RNASEH1: variants seen among roughly 807,000 people sequenced by gnomAD.
RNASEH1 encodes ribonuclease H1.
In RNASEH1, 27 loss-of-function variants were observed where a neutral mutation model predicts 34.6. The observed-to-expected ratio is 0.78, with a 90% CI of 0.58 to 1.08. RNASEH1 has a LOEUF of 1.08. Among genes scored for constraint, RNASEH1 ranks in the 50% least tolerant of loss-of-function variants. RNASEH1 has a pLI of 0.00. For synonymous variants in RNASEH1, 162 were observed against 138.4 expected (o/e 1.17, Z -1.20); for missense variants, 349 against 373.6 (o/e 0.93, Z 0.54).
rs1668683155 is a variant in RNASEH1 at position 3,545,746 on chromosome 2, C to T, written c.*39G>A. ...CAGTAAGTACAGGCAGCAAGACAGC[C>T]GCTGGCTCAAGTTCTCCCAAGGACT... On this transcript the variant is annotated 3_prime_UTR_variant, in exon 8 of 8. Transcript: ENST00000315212. 3 of 1,426,410 alleles carry T rather than the reference C, an allele frequency of 2.1e-6. No homozygotes were observed. Among genetic ancestry groups the T allele is most frequent in the African/African-American group, 1.4e-5 (1 of 71,280 alleles). 88.4% of individuals were successfully genotyped at this position (1,426,410 alleles called of 1,614,324 possible). A position where few individuals can be genotyped will look rare whatever the true frequency, so the allele number is the denominator to read the frequency against.
rs1176858089 is a variant in RNASEH1, at chr2:3,542,291, C to T, written c.*3494G>A. Among the ~76,000 whole-genome samples the T allele has an allele frequency of 1.3e-5, 2 of 152,088 alleles. No individual in the cohort carries two copies. The highest frequency in any genetic ancestry group is 2.9e-5 in the Non-Finnish European group (2 of 68,022). On this transcript the variant is annotated 3_prime_UTR_variant, in exon 8 of 8. Transcript: ENST00000315212. The stretch of plus-strand genomic sequence containing the variant: ...AACCAATACCAACACATGACACATT[C>T]GAATAAAACGGCCGACTTGACAGAA...
At chr2:3,538,679 T>A (rs78062064), downstream of RNASEH1, among the ~76,000 whole-genome samples, 5,648 of 152,286 alleles carry the variant, frequency 0.037, 117 homozygotes, top group East Asian at 0.084. Context: ...TTTCCAGTTC[T>A]CTGATATTAA....
In RNASEH1 at chr2:3,545,841, C is replaced by T. The variant is rs748392084; in HGVS notation, c.805G>A (p.Gly269Ser). The T allele has an allele frequency of 6.2e-7, 1 of 1,613,640 alleles. No individual in the cohort carries two copies. Among genetic ancestry groups the T allele is most frequent in the South Asian group, 1.1e-5 (1 of 91,072 alleles). Residue 269 changes from glycine to serine, a missense_variant, in exon 8 of 8, where the codon GGC (glycine) becomes AGC (serine). Physicochemically the swap from Gly to Ser is moderately conservative, Grantham distance 56 (BLOSUM62 0). This residue lies in a region of RNASEH1 where 93 missense variants were observed against 132.9 expected (regional missense o/e 0.70). Coordinates refer to ENST00000315212, the MANE Select transcript of RNASEH1 (RefSeq NM_002936.6). ...MHVPGHSGFIGNEEADRLARE... is the reference protein window; with the variant it reads ...MHVPGHSGFISNEEADRLARE... ...GCTAATCTGTCAGCTTCTTCATTGCCTATAAATCCCGAATGACCAGGAACA... is the reference window on the plus strand; with the variant it reads ...GCTAATCTGTCAGCTTCTTCATTGCTTATAAATCCCGAATGACCAGGAACA...
the RNASEH1 span, among the ~76,000 whole-genome samples, chr2:3,535,500 A>AT: frequency 6.6e-6 from 1 of 151,990 alleles, no homozygotes; most frequent in African/African-American, 2.4e-5. Context: ...TTAGAAATCA[A>AT]TTTTTTACAA....
downstream of RNASEH1, among the ~76,000 whole-genome samples, chr2:3,539,034 T>A (rs1156307809): frequency 2.0e-5 from 3 of 152,240 alleles, no homozygotes; most frequent in African/African-American, 7.2e-5. Flanking sequence ...TCCATTCTTC[T>A]GAGTTGTTAG....
At chr2:3,555,472 G>A (rs1660397509) in intron 2 of RNASEH1, among the ~76,000 whole-genome samples, 1 of 152,282 alleles carries the variant, frequency 6.6e-6, no homozygotes, top group Non-Finnish European at 1.5e-5. Context: ...TGCACTGAGT[G>A]AGGGTCGACC....
chr2:3,541,390 G>A (rs1668294606), downstream of RNASEH1, among the ~76,000 whole-genome samples: 4 of 151,352 alleles, frequency 2.6e-5, no homozygotes, highest in Middle Eastern at 3.2e-3. Flanking sequence ...TCCATTCCAA[G>A]GCATTTACCC....
intron 3 of RNASEH1, 121 bp from the exon 4 acceptor site, chr2:3,550,593 C>G (rs138593515): frequency 1.1e-5 from 8 of 730,618 alleles, no homozygotes; most frequent in Non-Finnish European, 1.7e-5. Context: ...ACGCTGCAGA[C>G]GTTTTCTCTC....
intron 2 of RNASEH1, among the ~76,000 whole-genome samples, chr2:3,554,650 G>C (rs1660312462): frequency 6.6e-6 from 1 of 152,152 alleles, no homozygotes; most frequent in South Asian, 2.1e-4. Context: ...AAAAGAACTA[G>C]CTTGCTTTAA....
rs997032120 is a variant in RNASEH1, at chr2:3,543,696, G to A, written c.*2089C>T. ...GCATGGTCACAGCTCACGCATCCTCGACCTCCTGGGCCCAAGCGATCCTCC... is the reference window on the plus strand; with the variant it reads ...GCATGGTCACAGCTCACGCATCCTCAACCTCCTGGGCCCAAGCGATCCTCC... On this transcript the variant is annotated 3_prime_UTR_variant, in exon 8 of 8. Transcript: ENST00000315212. 1.3e-5 allele frequency among the ~76,000 whole-genome samples: 2 copies of A among 151,728 alleles called. No homozygotes were observed. Among genetic ancestry groups the A allele is most frequent in the African/African-American group, 4.9e-5 (2 of 41,232 alleles).
chr2:3,556,614 G>A (rs1162929755), intron 2 of RNASEH1, among the ~76,000 whole-genome samples, 175 bp downstream of exon 2: 2 of 152,194 alleles, frequency 1.3e-5, no homozygotes, highest in Non-Finnish European at 2.9e-5. Flanking sequence ...AATACTGTAA[G>A]TAATATGAAC....
intron 2 of RNASEH1, among the ~76,000 whole-genome samples, chr2:3,556,451 G>A (rs1022704755): frequency 6.6e-6 from 1 of 151,702 alleles, no homozygotes; most frequent in African/African-American, 2.4e-5. Flanking sequence ...GATTACAGGT[G>A]TGCGCCACCA....
chr2:3,532,585 C>G, the RNASEH1 span, among the ~76,000 whole-genome samples: 1 of 152,148 alleles, frequency 6.6e-6, no homozygotes, highest in Non-Finnish European at 1.5e-5. Flanking sequence ...ACCTGTACAG[C>G]AGGTCACTGC....
downstream of RNASEH1, among the ~76,000 whole-genome samples, chr2:3,538,686 T>C (rs150404598): frequency 2.6e-4 from 40 of 152,310 alleles, no homozygotes; most frequent in African/African-American, 8.2e-4. Context: ...TTCTCTGATA[T>C]TAAAAACCTG....
chr2:3,553,638 C>T (rs1249901637), intron 2 of RNASEH1, among the ~76,000 whole-genome samples: 1 of 152,148 alleles, frequency 6.6e-6, no homozygotes, highest in Non-Finnish European at 1.5e-5. Flanking sequence ...TGATCCACTG[C>T]CCTGACCTCC....
the RNASEH1 span, chr2:3,532,189 G>A: frequency 2.9e-6 from 2 of 693,426 alleles, no homozygotes; most frequent in Non-Finnish European, 2.6e-6. Flanking sequence ...AGACCTCCGG[G>A]TGTCAGCACC....
At chr2:3,557,895 C>A (rs917460463) in intron 1 of RNASEH1, 61 of 1,506,708 alleles carry the variant, frequency 4.0e-5, no homozygotes, top group African/African-American at 5.6e-5. Flanking sequence ...CACCCCTAAC[C>A]TTTACGCGAC....
At chr2:3,538,043 T>A (rs886476560), downstream of RNASEH1, among the ~76,000 whole-genome samples, 1 of 111,482 alleles carries the variant, frequency 9.0e-6, no homozygotes, top group African/African-American at 3.4e-5. Flanking sequence ...CTTAAAACAA[T>A]TTTTTTTTTT....
chr2:3,540,466 T>G (rs1668235294), downstream of RNASEH1, among the ~76,000 whole-genome samples: 1 of 152,220 alleles, frequency 6.6e-6, no homozygotes, highest in Non-Finnish European at 1.5e-5. Context: ...TGGAGTGCAG[T>G]GGCACAATCT....
Sources: allele counts gnomAD v4.1 joint callset (sites outside exome capture counted in the v4.1 genomes callset), GRCh38; gene constraint gnomAD v4.1.1; regional missense constraint gnomAD v4.1.1; transcripts MANE v1.5; gene names NCBI Gene and HGNC (gene_info 2026-07-23, HGNC 2026-07-21).